Variants in C4orf50 observed in about 807,000 individuals in gnomAD.
C4orf50 encodes the protein chromosome 4 open reading frame 50.
A neutral mutation model predicts 77.2 loss-of-function variants in C4orf50; 80 were observed. The observed-to-expected ratio is 1.04, with a 90% CI of 0.87 to 1.25. C4orf50 has a LOEUF of 1.25. Ranked by LOEUF, C4orf50 falls within the 50% of genes most tolerant of loss-of-function variation. The pLI, the probability that C4orf50 is intolerant of heterozygous loss-of-function variation, is 0.00. For missense variants in C4orf50, 1,257 were observed against 1,152.9 expected (o/e 1.09, Z -1.31); for synonymous variants, 532 against 465.3 (o/e 1.14, Z -1.84).
At chr4:5,976,044 G>A (rs577973918) in intron 29 of C4orf50, 89 bp from the exon 8 acceptor site, 3 of 1,052,238 alleles carry the variant, frequency 2.9e-6, no homozygotes, top group East Asian at 2.4e-5. Context: ...CAGAACAGCT[G>A]GCAGTTGCCT....
chr4:5,911,034 T>C (rs1186045790), intron 7 of C4orf50, among the ~76,000 whole-genome samples: 2 of 150,406 alleles, frequency 1.3e-5, no homozygotes, highest in Non-Finnish European at 1.5e-5. Context: ...GCCTCCCAAG[T>C]AGCTGGGACT....
rs879499894 is a variant in C4orf50 at position 6,007,649 on chromosome 4, G to C, written c.963+347C>G. On this transcript the variant is annotated intron_variant, in intron 25 of 33. Transcript: ENST00000531445. This position sits in a 1 kb window ranked among gnomAD's most constrained non-coding sequence, Gnocchi z 4.1. Reference sequence around the variant, plus strand: ...TCATAAGTGGCTGCGTGGACAAACAGGTGTTAGGATGAATGGCAAAATGAT... The same window carrying C: ...TCATAAGTGGCTGCGTGGACAAACACGTGTTAGGATGAATGGCAAAATGAT... Among the ~76,000 whole-genome samples the C allele has an allele frequency of 8.5e-5, 13 of 152,304 alleles. No homozygotes were observed. Among genetic ancestry groups the C allele is most frequent in the Admixed American group, 8.5e-4 (13 of 15,302 alleles).
intron 29 of C4orf50, among the ~76,000 whole-genome samples, chr4:5,979,315 A>C (rs1348958497): frequency 6.6e-6 from 1 of 152,232 alleles, no homozygotes; most frequent in Non-Finnish European, 1.5e-5. Context: ...AAATTGATTA[A>C]ATAAGTTATG....
Position 5,975,930 on chromosome 4 carries a change from T to G in C4orf50, c.3890A>C (p.His1297Pro), listed in dbSNP as rs780452806. The G allele has an allele frequency of 5.0e-6, 8 of 1,613,984 alleles. No individual in the cohort carries two copies. The African/African-American group carries it at 8.0e-5, about 16-fold the overall frequency. The change falls in exon 30 of 34, where the codon CAT becomes CCT. Residue 1297 changes from histidine to proline, a missense_variant. Physicochemically the swap from His to Pro is moderately conservative, Grantham distance 77 (BLOSUM62 -2). Transcript: ENST00000531445. ...GGGAGTCACTGCCAACTTTGCTTCA[T>G]GTTGCTTTTTCTGAAGTTCTTCAAG...
chr4:5,897,643 AT>A (rs941620236), exon 8 of C4orf50: 3 of 152,248 alleles, frequency 2.0e-5, no homozygotes, highest in Non-Finnish European at 4.4e-5. Context: ...AATGTACAAA[AT>A]TACACAAATT....
intron 25 of C4orf50, among the ~76,000 whole-genome samples, chr4:5,995,176 G>A (rs1156734705): frequency 6.6e-6 from 1 of 151,968 alleles, no homozygotes; most frequent in African/African-American, 2.4e-5. Flanking sequence ...CTCCCTGGGT[G>A]GGGGCAGTGA....
Position 5,989,789 on chromosome 4 carries a change from C to A in C4orf50, c.2257G>T (p.Glu753Ter). ...AAAAGCATTTCCTTGCTCTCATGTT[C>A]CTGGGAGTCAGGCTCCTCGGGGGCA... Residue 753 changes from glutamate to a stop codon, truncating the protein, a stop_gained, in exon 28 of 34, where the codon GAA (glutamate) becomes TAA (stop). Transcript: ENST00000531445. LOFTEE classifies it high-confidence loss of function. 6.6e-7 allele frequency: 1 copy of A among 1,518,830 alleles called. No individual in the cohort carries two copies. Among genetic ancestry groups the A allele is most frequent in the South Asian group, 1.2e-5 (1 of 81,528 alleles). The allele number at this position is 1,518,830 out of a possible 1,614,324, so 94.1% of individuals were successfully genotyped here. A position where few individuals can be genotyped will look rare whatever the true frequency, so the allele number is the denominator to read the frequency against.
chr4:5,951,782 G>C (rs188285608), intron 7 of C4orf50, among the ~76,000 whole-genome samples: 1 of 151,988 alleles, frequency 6.6e-6, no homozygotes, highest in South Asian at 2.1e-4. Flanking sequence ...TTCGCTCTCC[G>C]TCCGACCTAC....
intron 7 of C4orf50, among the ~76,000 whole-genome samples, chr4:5,917,079 C>G (rs570958945): frequency 6.6e-6 from 1 of 152,160 alleles, no homozygotes; most frequent in African/African-American, 2.4e-5. Context: ...CATGCCTACG[C>G]TACCAGAGGC....
In C4orf50 at chr4:5,917,406, CTTTTTTTT is replaced by C. The variant is rs34928524; in HGVS notation, c.*2475-19226_*2475-19219del. Among the ~76,000 whole-genome samples the C allele has an allele frequency of 1.2e-4, 10 of 86,404 alleles. 1 individual carries two copies. The East Asian group carries it at 1.6e-3, about 14-fold the overall frequency. The allele number at this position is 86,404 out of a possible 152,430, so 56.7% of individuals were successfully genotyped here. ...GTCGTAGGTTTCAATTCCTGTATTT[CTTTTTTTT>C]TTTTTTTTTTTTTTTTTTGAGATGG... On this transcript the variant is annotated intron_variant, in intron 7 of 7. Transcript: ENST00000324058.
chr4:5,973,974 C>G (rs1720103443), intron 30 of C4orf50, 133 bp from the exon 9 acceptor site: 1 of 721,488 alleles, frequency 1.4e-6, no homozygotes, highest in Non-Finnish European at 2.2e-6. Context: ...AGCGGAGCAG[C>G]CTCCTCCCTG....
At chr4:5,957,781 G>A (rs1413030544) in exon 34 of C4orf50, 1 of 152,136 alleles carries the variant, frequency 6.6e-6, no homozygotes, top group African/African-American at 2.4e-5. Flanking sequence ...AATTTAAAGG[G>A]TGGAACTCAA....
At chr4:5,998,205 A>G (rs1441589750) in intron 25 of C4orf50, among the ~76,000 whole-genome samples, 1 of 152,242 alleles carries the variant, frequency 6.6e-6, no homozygotes, top group African/African-American at 2.4e-5. Context: ...TGACAGATGT[A>G]CAGAAGAAAA....
exon 28 of C4orf50, chr4:5,988,518 A>C: frequency 6.5e-7 from 1 of 1,538,568 alleles, no homozygotes; most frequent in Non-Finnish European, 8.7e-7. Context: ...GGGGAGAATC[A>C]GCACCGCGTC....
Position 5,970,162 on chromosome 4 carries a change from G to A in C4orf50, c.4105-2700C>T, listed in dbSNP as rs1208411703. On this transcript the variant is annotated intron_variant, in intron 31 of 33. Transcript: ENST00000531445. The surrounding 1 kb of genome is among the most constrained non-coding windows in gnomAD (Gnocchi z 4.3). Reference sequence around the variant, plus strand: ...GCAAAACACAGGAAAAAAAAAAAAAGGCCCACTGGGGCTAGGGGTCGGGGG... The same window carrying A: ...GCAAAACACAGGAAAAAAAAAAAAAAGCCCACTGGGGCTAGGGGTCGGGGG... 1.3e-5 allele frequency among the ~76,000 whole-genome samples: 2 copies of A among 149,052 alleles called. No homozygotes were observed. Among genetic ancestry groups the A allele is most frequent in the East Asian group, 3.9e-4 (2 of 5,142 alleles).
rs1313440413 is a variant in C4orf50 at position 5,900,193 on chromosome 4, C to T, written c.*2475-2005G>A. On this transcript the variant is annotated intron_variant, in intron 7 of 7. Transcript: ENST00000324058. This position sits in a 1 kb window ranked among gnomAD's most constrained non-coding sequence, Gnocchi z 4.3. Reference sequence around the variant, plus strand: ...CTCACCAGCCTGAAGATGAAAAGCCCCTCTCAAGTTTATAAAAGTTTACTC... The same window carrying T: ...CTCACCAGCCTGAAGATGAAAAGCCTCTCTCAAGTTTATAAAAGTTTACTC... 1 of 151,824 alleles carries T rather than the reference C, an allele frequency of 6.6e-6. No individual in the cohort carries two copies. Among genetic ancestry groups the T allele is most frequent in the Non-Finnish European group, 1.5e-5 (1 of 67,962 alleles). The allele number at this position is 151,824 out of a possible 1,614,324, so 9.4% of individuals were successfully genotyped here.
chr4:5,994,635 C>G (rs1478948280), intron 25 of C4orf50, among the ~76,000 whole-genome samples, 159 bp from the exon 4 acceptor site: 1 of 152,230 alleles, frequency 6.6e-6, no homozygotes, highest in Non-Finnish European at 1.5e-5. Context: ...GCCTGGCAGC[C>G]CAGCCCCGGC....
Position 5,916,400 on chromosome 4 carries a change from G to C in C4orf50, c.*2475-18212C>G, listed in dbSNP as rs1717029832. Among the ~76,000 whole-genome samples the C allele has an allele frequency of 6.6e-6, 1 of 151,890 alleles. No homozygotes were observed. The highest frequency in any genetic ancestry group is 1.5e-5 in the Non-Finnish European group (1 of 68,026). On this transcript the variant is annotated intron_variant, in intron 7 of 7. Transcript: ENST00000324058. This position sits in a 1 kb window ranked among gnomAD's most constrained non-coding sequence, Gnocchi z 4.4. ...TTGGGTCCCTGCCCACCACAGAGAA[G>C]GCTGGGAGCCAGGACCTGCCCCCAG...
intron 28 of C4orf50, among the ~76,000 whole-genome samples, chr4:5,983,762 G>A (rs1481159049): frequency 1.3e-5 from 2 of 152,220 alleles, no homozygotes; most frequent in African/African-American, 4.8e-5. Context: ...GGTCCTGCTA[G>A]ATGGAGAAAT....
Sources: gnomAD v4.1 joint callset for allele counts (sites outside exome capture counted in the v4.1 genomes callset) on GRCh38, gnomAD v4.1.1 for gene constraint, Gnocchi (gnomAD v3.1) non-coding constraint, MANE v1.5 for transcripts, NCBI Gene and HGNC (gene_info 2026-07-23, HGNC 2026-07-21) for gene names.